The following NTN4 variants were observed in gnomAD, a reference collection of about 807,000 sequenced individuals.
NTN4 encodes netrin 4, also known as netrin-4.
In NTN4, 32 loss-of-function variants were observed where a neutral mutation model predicts 73.6. The ratio of observed to expected loss-of-function variants is 0.44; its 90% CI spans 0.33 to 0.58. The LOEUF is 0.58. Among genes scored for constraint, NTN4 ranks in the 20% least tolerant of loss-of-function variants. The pLI, the probability that NTN4 is intolerant of heterozygous loss-of-function variation, is 0.04. For synonymous variants in NTN4, 258 were observed against 287.5 expected (o/e 0.90, Z 1.04); for missense variants, 654 against 798.3 (o/e 0.82, Z 2.18).
chr12:95,708,016 T>C (rs953291542), intron 5 of NTN4, among the ~76,000 whole-genome samples: 19 of 152,142 alleles, frequency 1.2e-4, no homozygotes, highest in African/African-American at 4.6e-4. Flanking sequence ...CAAAATGGTG[T>C]CAGGACTATG....
intron 7 of NTN4, chr12:95,670,381 G>A: frequency 2.9e-6 from 1 of 350,688 alleles, no homozygotes. Flanking sequence ...GGTAGAAACA[G>A]TGATGTATTT....
In NTN4 at chr12:95,736,621, C is replaced by T. The variant is rs375214313; in HGVS notation, c.864+1245G>A. ...CCCAGTTAACTGAGATACACTAAAT[C>T]ATAGCACCCTTTATTTGAAACAATA... is the stretch of plus-strand genomic sequence containing the variant. On this transcript the variant is annotated intron_variant, in intron 3 of 9. Transcript: ENST00000343702. Among the ~76,000 whole-genome samples, 7 of 152,308 alleles carry T rather than the reference C, an allele frequency of 4.6e-5. No homozygotes were observed. In the South Asian group the frequency reaches 6.2e-4, roughly 14 times the overall value.
Position 95,742,688 on chromosome 12 carries a change from T to C in NTN4, c.586-4544A>G, listed in dbSNP as rs375064491. Among the ~76,000 whole-genome samples, 4 of 152,238 alleles carry C rather than the reference T, an allele frequency of 2.6e-5. No homozygotes were observed. The East Asian group carries it at 5.8e-4, about 22-fold the overall frequency. On this transcript the variant is annotated intron_variant, in intron 2 of 9. Transcript: ENST00000343702. ...TCCTTCCATGATGGCACACTTACAC[T>C]GTTCTATTGTTGTTGCCTATTTACT... is the stretch of plus-strand genomic sequence containing the variant.
chr12:95,748,662 G>A (rs2078880653), intron 2 of NTN4, among the ~76,000 whole-genome samples: 1 of 151,880 alleles, frequency 6.6e-6, no homozygotes, highest in Non-Finnish European at 1.5e-5. Context: ...GTGGAGCTGG[G>A]GTTTTACCAT....
chr12:95,731,302 T>A (rs558420209), intron 3 of NTN4, among the ~76,000 whole-genome samples: 1 of 152,272 alleles, frequency 6.6e-6, no homozygotes, highest in South Asian at 2.1e-4. Flanking sequence ...GCATGGTGGC[T>A]CACACCTGTA....
chr12:95,673,963 A>C (rs1161175571), intron 7 of NTN4: 1 of 152,206 alleles, frequency 6.6e-6, no homozygotes. Context: ...TTCTCCAGGA[A>C]TGAGTATAAT....
intron 2 of NTN4, among the ~76,000 whole-genome samples, chr12:95,744,180 G>T (rs1289617786): frequency 6.6e-6 from 1 of 152,034 alleles, no homozygotes; most frequent in Admixed American, 6.5e-5. Context: ...GGGATTACAG[G>T]CCTGAGCCAC....
intron 2 of NTN4, among the ~76,000 whole-genome samples, chr12:95,738,714 A>G (rs2078800770): frequency 6.6e-6 from 1 of 152,210 alleles, no homozygotes; most frequent in Admixed American, 6.5e-5. Flanking sequence ...TAAAAGTATC[A>G]CCTTAGAGAT....
chr12:95,752,401 T>C (rs1262408427), intron 2 of NTN4, among the ~76,000 whole-genome samples: 1 of 150,846 alleles, frequency 6.6e-6, no homozygotes, highest in Non-Finnish European at 1.5e-5. Flanking sequence ...CATTATTCTG[T>C]TCTGGATCTC....
intron 3 of NTN4, among the ~76,000 whole-genome samples, chr12:95,716,572 A>C (rs934692749): frequency 6.6e-6 from 1 of 151,968 alleles, no homozygotes; most frequent in South Asian, 2.1e-4. Context: ...TATTATTTCT[A>C]TCTCTCTCCT....
At chr12:95,708,437 G>A (rs1249521469) in intron 5 of NTN4, among the ~76,000 whole-genome samples, 3 of 151,714 alleles carry the variant, frequency 2.0e-5, no homozygotes, top group Non-Finnish European at 4.4e-5. Flanking sequence ...ACAGGCGCCC[G>A]CCACCACGCC....
intron 2 of NTN4, among the ~76,000 whole-genome samples, chr12:95,783,861 A>G (rs1483470563): frequency 9.2e-5 from 14 of 152,162 alleles, no homozygotes; most frequent in African/African-American, 3.4e-4. Flanking sequence ...TTTTGGGCCC[A>G]TGTTTTTGAA....
rs546227812 is a variant in NTN4, at chr12:95,708,374, G to A, written c.1180+2067C>T. On this transcript the variant is annotated intron_variant, in intron 5 of 9. Coordinates refer to ENST00000343702, the MANE Select transcript of NTN4 (RefSeq NM_021229.4). The stretch of plus-strand genomic sequence containing the variant: ...ATGATCTCGGCTCACTGCAAGCTCC[G>A]CATCCCGGGTTCACGCCATTCTCCT... 1.9e-3 allele frequency among the ~76,000 whole-genome samples: 295 copies of A among 151,332 alleles called. 2 individuals are homozygous for A. The highest frequency in any genetic ancestry group is 6.6e-3 in the African/African-American group (272 of 41,234).
chr12:95,722,473 A>C (rs2078655472), intron 3 of NTN4, among the ~76,000 whole-genome samples: 1 of 151,962 alleles, frequency 6.6e-6, no homozygotes, highest in Non-Finnish European at 1.5e-5. Flanking sequence ...AAAAAATACA[A>C]AAATTACCCG....
intron 2 of NTN4, among the ~76,000 whole-genome samples, chr12:95,779,633 A>G (rs145052378): frequency 0.044 from 6,715 of 151,982 alleles, 494 homozygotes; most frequent in African/African-American, 0.15. Flanking sequence ...AGAACTACAA[A>G]CCACTGCTCA....
chr12:95,670,992 A>ATGTATGTATATATT (rs1565878371), intron 7 of NTN4: 1 of 63,030 alleles, frequency 1.6e-5, no homozygotes, highest in East Asian at 1.2e-3. Context: ...ATGTATGTAT[A>ATGTATGTATATATT]TATTTATTTA....
rs143741908 is a variant in NTN4, at chr12:95,677,008, G to C, written c.1510+5699C>G. 2.4e-4 allele frequency among the ~76,000 whole-genome samples: 37 copies of C among 152,254 alleles called. No individual in the cohort carries two copies. In the East Asian group the frequency reaches 7.1e-3, roughly 29 times the overall value. The stretch of plus-strand genomic sequence containing the variant: ...TCCCAGCACTTCGGGAGGCTGAGGT[G>C]GGTGGATCTTAAGGTCAGGAGATCT... On this transcript the variant is annotated intron_variant, in intron 7 of 9. Coordinates refer to ENST00000343702, the MANE Select transcript of NTN4 (RefSeq NM_021229.4).
Position 95,738,067 on chromosome 12 carries a change from G to A in NTN4, c.663C>T (p.Ile221=), listed in dbSNP as rs368031674. The change falls in exon 3 of 10, where the codon ATC becomes ATT. Residue 221 remains isoleucine (I), a synonymous_variant. Transcript: ENST00000343702. ...TCAGCAGCTGCACGCGAAGGTTGGT[G>A]ATCTTCAGCTGCTCCTGAACTTTGG... ...YSAKVQEQLK[I]TNLRVQLLKR... The A allele has an allele frequency of 2.5e-6, 4 of 1,613,992 alleles. No individual in the cohort carries two copies. The African/African-American group carries it at 4.0e-5, about 16-fold the overall frequency.
At chr12:95,707,556 T>C (rs2078529820) in intron 5 of NTN4, among the ~76,000 whole-genome samples, 1 of 152,146 alleles carries the variant, frequency 6.6e-6, no homozygotes, top group East Asian at 1.9e-4. Context: ...CCCTTCCCTC[T>C]TGTTTTATTT....
Sources: allele counts gnomAD v4.1 joint callset (sites outside exome capture counted in the v4.1 genomes callset), GRCh38; gene constraint gnomAD v4.1.1; transcripts MANE v1.5; gene names NCBI Gene and HGNC (gene_info 2026-07-23, HGNC 2026-07-21).